The following NATD1 variants were observed in gnomAD, a reference collection of about 807,000 sequenced individuals.
NATD1 encodes the protein N-acetyltransferase domain containing 1, also known as protein NATD1.
In NATD1, 9 loss-of-function variants were observed where a neutral mutation model predicts 12.0. The observed-to-expected ratio is 0.75, with a 90% CI of 0.45 to 1.30. The LOEUF (loss-of-function observed/expected upper bound fraction) is 1.30, where lower values mean the gene tolerates loss of function less well. Ranked by LOEUF, NATD1 falls within the 50% of genes most tolerant of loss-of-function variation. The pLI, the probability that NATD1 is intolerant of heterozygous loss-of-function variation, is 0.00. For synonymous variants in NATD1, 71 were observed against 65.9 expected (o/e 1.08, Z -0.37); for missense variants, 148 against 148.5 (o/e 1.00, Z 0.02).
chr17:21,249,374 C>T (rs900885379), intron 1 of NATD1, among the ~76,000 whole-genome samples: 3 of 152,182 alleles, frequency 2.0e-5, no homozygotes, highest in African/African-American at 7.2e-5. Context: ...GTTGGTGGTT[C>T]ATTGGTAGAT....
rs1975246823 is a variant in NATD1, at chr17:21,239,590, G to A, written c.*3723C>T. On this transcript the variant is annotated 3_prime_UTR_variant, in exon 3 of 3. Transcript: ENST00000611551. ...GGATCATTTGAGGTCAGGTGTTCAA[G>A]ACCAGCCTGGCCAACATGGTGAAAC... 6.6e-6 allele frequency: 1 copy of A among 152,242 alleles called. No homozygotes were observed. Among genetic ancestry groups the A allele is most frequent in the South Asian group, 2.1e-4 (1 of 4,834 alleles). The allele number at this position is 152,242 out of a possible 1,614,324, so 9.4% of individuals were successfully genotyped here.
chr17:21,243,488 AT>A, intron 2 of NATD1, 59 bp from the exon 3 acceptor site: 2 of 1,389,160 alleles, frequency 1.4e-6, no homozygotes, highest in Non-Finnish European at 2.0e-6. Flanking sequence ...AGAAGGTAGC[AT>A]TGTCTGCTGC....
rs1398309071 is a variant in NATD1 at position 21,253,196 on chromosome 17, G to A, written c.69C>T (p.His23=). 9.8e-7 allele frequency: 1 copy of A among 1,015,796 alleles called. No individual in the cohort carries two copies. Among genetic ancestry groups the A allele is most frequent in the Non-Finnish European group, 1.2e-6 (1 of 851,356 alleles). 62.9% of individuals were successfully genotyped at this position (1,015,796 alleles called of 1,614,324 possible). A position where few individuals can be genotyped will look rare whatever the true frequency, so the allele number is the denominator to read the frequency against. Residue 23 remains histidine, a synonymous_variant, in exon 1 of 3, where the codon CAC becomes CAT. Transcript: ENST00000611551. The part of the protein sequence containing the change: ...LEQGCPIRVE[H]DRRRRQFTVR... Reference sequence around the variant, plus strand: ...CAGTGAACTGGCGGCGCCGGCGGTCGTGCTCCACGCGGATGGGGCAGCCCT... The same window carrying A: ...CAGTGAACTGGCGGCGCCGGCGGTCATGCTCCACGCGGATGGGGCAGCCCT...
chr17:21,248,678 C>T (rs551715401), intron 1 of NATD1, among the ~76,000 whole-genome samples: 1 of 152,200 alleles, frequency 6.6e-6, no homozygotes, highest in Non-Finnish European at 1.5e-5. Flanking sequence ...TAGGCATAGC[C>T]TCTGGGCCTG....
At chr17:21,251,765 C>G (rs531445514) in intron 1 of NATD1, among the ~76,000 whole-genome samples, 7 of 152,200 alleles carry the variant, frequency 4.6e-5, no homozygotes, top group African/African-American at 1.4e-4. Flanking sequence ...GGAGCCCCAC[C>G]GTTCAGGGAG....
chr17:21,244,131 C>A lies in NATD1; in HGVS notation c.200G>T (p.Arg67Leu). The change falls in exon 2 of 3, where the codon CGT (arginine) becomes CTT (leucine). Residue 67 changes from arginine to leucine, a missense_variant. Transcript: ENST00000611551. This position sits in a 1 kb window ranked among gnomAD's most constrained non-coding sequence, Gnocchi z 5.2. ...CTTGGCAAGGTGCTTGGCGATGCCACGCCCACGGTAGGCATCTGGGACCTC... is the reference window on the plus strand; with the variant it reads ...CTTGGCAAGGTGCTTGGCGATGCCAAGCCCACGGTAGGCATCTGGGACCTC... ...HTEVPDAYRG[R>L]GIAKHLAKAA... is the part of the protein sequence containing the mutation. 1 of 1,612,820 alleles carries A rather than the reference C, an allele frequency of 6.2e-7. No individual in the cohort carries two copies. Among genetic ancestry groups the A allele is most frequent in the African/African-American group, 1.3e-5 (1 of 75,028 alleles).
At chr17:21,245,531 G>A (rs1027027722) in intron 1 of NATD1, among the ~76,000 whole-genome samples, 1 of 152,114 alleles carries the variant, frequency 6.6e-6, no homozygotes, top group African/African-American at 2.4e-5. Flanking sequence ...CTGGCTCTTG[G>A]TATCTCCTTT....
intron 1 of NATD1, among the ~76,000 whole-genome samples, chr17:21,252,462 G>A (rs191435737): frequency 1.1e-4 from 17 of 152,270 alleles, no homozygotes; most frequent in Admixed American, 2.6e-4. Flanking sequence ...CTTACAACTA[G>A]CCAATGGGGT....
At chr17:21,246,140 G>A (rs1975322859) in intron 1 of NATD1, among the ~76,000 whole-genome samples, 1 of 152,194 alleles carries the variant, frequency 6.6e-6, no homozygotes, top group African/African-American at 2.4e-5. Context: ...AGGGCAGGCA[G>A]CAGCGAACAA....
At position 21,243,181 on chromosome 17, in the gene NATD1, C is replaced by A; in HGVS notation, c.*132G>T. The A allele has an allele frequency of 1.5e-6, 1 of 675,570 alleles. No homozygotes were observed. The highest frequency in any genetic ancestry group is 2.8e-5 in the Admixed American group (1 of 35,440). The allele number at this position is 675,570 out of a possible 1,614,324, so 41.8% of individuals were successfully genotyped here. A position where few individuals can be genotyped will look rare whatever the true frequency, so the allele number is the denominator to read the frequency against. Reference sequence around the variant, plus strand: ...TGCCTCCAGGGATCTGGACGTGGGGCACAGATGAGTGTCCTTACAAAAATA... The same window carrying A: ...TGCCTCCAGGGATCTGGACGTGGGGAACAGATGAGTGTCCTTACAAAAATA... On this transcript the variant is annotated 3_prime_UTR_variant, in exon 3 of 3. Coordinates refer to ENST00000611551, the MANE Select transcript of NATD1 (RefSeq NM_152914.3).
Position 21,239,633 on chromosome 17 carries a change from T to TA in NATD1, c.*3679dup, listed in dbSNP as rs997730382. On this transcript the variant is annotated 3_prime_UTR_variant, in exon 3 of 3. Coordinates refer to ENST00000611551, the MANE Select transcript of NATD1 (RefSeq NM_152914.3). ...GGTGAAACCCCGTCTCTACTAAAAATACAAAAATTAGCCAGGCATGGTGGT... is the reference window on the plus strand; with the variant it reads ...GGTGAAACCCCGTCTCTACTAAAAATAACAAAAATTAGCCAGGCATGGTGGT... 2 of 152,152 alleles carry TA rather than the reference T, an allele frequency of 1.3e-5. No homozygotes were observed. The highest frequency in any genetic ancestry group is 4.8e-5 in the African/African-American group (2 of 41,438). The allele number at this position is 152,152 out of a possible 1,614,324, so 9.4% of individuals were successfully genotyped here. A position where few individuals can be genotyped will look rare whatever the true frequency, so the allele number is the denominator to read the frequency against.
At chr17:21,249,313 G>A (rs1311809911) in intron 1 of NATD1, among the ~76,000 whole-genome samples, 1 of 152,186 alleles carries the variant, frequency 6.6e-6, no homozygotes, top group Non-Finnish European at 1.5e-5. Context: ...CACCCTGGCC[G>A]GCTTTTCTGG....
chr17:21,246,298 G>T (rs1396118513), intron 1 of NATD1, among the ~76,000 whole-genome samples: 2 of 152,120 alleles, frequency 1.3e-5, no homozygotes, highest in Admixed American at 1.3e-4. Context: ...TGGATCACCT[G>T]AGTTCAGGAG....
chr17:21,244,343 TA>T lies in NATD1; in HGVS notation c.107-120del. The T allele has an allele frequency of 1.3e-6, 1 of 763,346 alleles. No individual in the cohort carries two copies. The highest frequency in any genetic ancestry group is 2.1e-6 in the Non-Finnish European group (1 of 479,466). 47.3% of individuals were successfully genotyped at this position (763,346 alleles called of 1,614,324 possible). ...TCAGCTGCTACAGCTGAATCCTGAA[TA>T]ACCTCTCAGTGCCTCAGTCTCCTCA... On this transcript the variant is annotated intron_variant, in intron 1 of 2. Coordinates refer to ENST00000611551, the MANE Select transcript of NATD1 (RefSeq NM_152914.3). The surrounding 1 kb of genome is among the most constrained non-coding windows in gnomAD (Gnocchi z 5.2).
At position 21,239,440 on chromosome 17, in the gene NATD1, C is replaced by T. The variant is rs1975244913; in HGVS notation, c.*3873G>A. 1 of 151,358 alleles carries T rather than the reference C, an allele frequency of 6.6e-6. No homozygotes were observed. Among genetic ancestry groups the T allele is most frequent in the Non-Finnish European group, 1.5e-5 (1 of 68,034 alleles). The allele number at this position is 151,358 out of a possible 1,614,324, so 9.4% of individuals were successfully genotyped here. On this transcript the variant is annotated 3_prime_UTR_variant, in exon 3 of 3. Transcript: ENST00000611551. ...CCGACTCAGCCTCAGTATCATCTAT[C>T]AAATAGGCCTAATAATGGGCATGTC...
At position 21,241,226 on chromosome 17, in the gene NATD1, G is replaced by A. The variant is rs1294181552; in HGVS notation, c.*2087C>T. ...TGCTGGCCCTCAGGGGCTTCCTGTGGGGGACTCTTTGTGCTGTCACTGCAA... is the reference window on the plus strand; with the variant it reads ...TGCTGGCCCTCAGGGGCTTCCTGTGAGGGACTCTTTGTGCTGTCACTGCAA... On this transcript the variant is annotated 3_prime_UTR_variant, in exon 3 of 3. Transcript: ENST00000611551. The A allele has an allele frequency of 6.6e-6, 1 of 152,270 alleles. No individual in the cohort carries two copies. The highest frequency in any genetic ancestry group is 2.4e-5 in the African/African-American group (1 of 41,422). 9.4% of individuals were successfully genotyped at this position (152,270 alleles called of 1,614,324 possible).
In NATD1 at chr17:21,243,097, G is replaced by A. The variant is rs1227207280; in HGVS notation, c.*216C>T. 15 of 514,374 alleles carry A rather than the reference G, an allele frequency of 2.9e-5. No homozygotes were observed. Among genetic ancestry groups the A allele is most frequent in the Non-Finnish European group, 5.3e-5 (15 of 283,964 alleles). 31.9% of individuals were successfully genotyped at this position (514,374 alleles called of 1,614,324 possible). On this transcript the variant is annotated 3_prime_UTR_variant, in exon 3 of 3. Coordinates refer to ENST00000611551, the MANE Select transcript of NATD1 (RefSeq NM_152914.3). ...TGGTCTCTGCAGAGTGAGAGGTGCC[G>A]GGACTACCTGGCCTCCTTGCCGCCT...
At position 21,242,558 on chromosome 17, in the gene NATD1, G is replaced by A. The variant is rs1975285166; in HGVS notation, c.*755C>T. 6.6e-6 allele frequency: 1 copy of A among 152,256 alleles called. No individual in the cohort carries two copies. The highest frequency in any genetic ancestry group is 6.5e-5 in the Admixed American group (1 of 15,280). 9.4% of individuals were successfully genotyped at this position (152,256 alleles called of 1,614,324 possible). ...CTCCTCCTGGCAGACAGGGGTATAG[G>A]GGATAGCAGCCCATGGGGATGGGGC... On this transcript the variant is annotated 3_prime_UTR_variant, in exon 3 of 3. Coordinates refer to ENST00000611551, the MANE Select transcript of NATD1 (RefSeq NM_152914.3).
intron 1 of NATD1, among the ~76,000 whole-genome samples, chr17:21,246,883 T>C (rs1363500223): frequency 1.3e-5 from 2 of 151,544 alleles, no homozygotes; most frequent in Admixed American, 6.6e-5. Flanking sequence ...GGGTAGGAGG[T>C]TGAAGGAAGA....
Sources: allele counts gnomAD v4.1 joint callset (sites outside exome capture counted in the v4.1 genomes callset), GRCh38; gene constraint gnomAD v4.1.1; non-coding constraint Gnocchi (gnomAD v3.1); transcripts MANE v1.5; gene names NCBI Gene and HGNC (gene_info 2026-07-23, HGNC 2026-07-21).